The following JAKMIP2 variants were observed in gnomAD, a reference collection of about 807,000 sequenced individuals.
The protein encoded by JAKMIP2 is janus kinase and microtubule-interacting protein 2.
A neutral mutation model predicts 115.0 loss-of-function variants in JAKMIP2; 25 were observed. The observed-to-expected ratio is 0.22, with a 90% CI of 0.16 to 0.30. The LOEUF (loss-of-function observed/expected upper bound fraction) is 0.30. Among genes scored for constraint, JAKMIP2 ranks in the 10% least tolerant of loss-of-function variants. The pLI is 1.00. For missense variants in JAKMIP2, 642 were observed against 957.6 expected (o/e 0.67, Z 4.35); for synonymous variants, 334 against 343.6 (o/e 0.97, Z 0.31).
chr5:147,674,517 G>A (rs867684840), intron 1 of JAKMIP2, among the ~76,000 whole-genome samples: 4 of 152,322 alleles, frequency 2.6e-5, no homozygotes, highest in Middle Eastern at 6.8e-3. Context: ...GAAGAAGAGA[G>A]ACGAGGTGAG....
intron 1 of JAKMIP2, among the ~76,000 whole-genome samples, chr5:147,681,122 A>G (rs1561535137): frequency 6.6e-6 from 1 of 152,190 alleles, no homozygotes; most frequent in Non-Finnish European, 1.5e-5. Context: ...AAAAGTTATT[A>G]CTCATGATAA....
intron 1 of JAKMIP2, among the ~76,000 whole-genome samples, chr5:147,713,750 A>C (rs1752867007): frequency 6.6e-6 from 1 of 152,184 alleles, no homozygotes; most frequent in Non-Finnish European, 1.5e-5. Context: ...AATGGCTAAG[A>C]GGCTGAACGG....
At chr5:147,624,785 G>A (rs1024569418) in intron 16 of JAKMIP2, among the ~76,000 whole-genome samples, 8 of 152,038 alleles carry the variant, frequency 5.3e-5, no homozygotes, top group African/African-American at 9.7e-5. Flanking sequence ...TACCTTGGCC[G>A]TAATTTCAAT....
chr5:147,692,285 G>T (rs1751895964), intron 1 of JAKMIP2, among the ~76,000 whole-genome samples: 1 of 152,206 alleles, frequency 6.6e-6, no homozygotes, highest in Non-Finnish European at 1.5e-5. Flanking sequence ...GAAGCTAGAA[G>T]AGAGGACGGA....
chr5:147,782,600 A>G lies in JAKMIP2; in HGVS notation c.-293T>C. On this transcript the variant is annotated 5_prime_UTR_variant, in exon 1 of 22. Coordinates refer to ENST00000616793, the MANE Select transcript of JAKMIP2 (RefSeq NM_001270941.2). ...TTTTTCCCTCTGTCTCTGGTTGGCGATGGTGCGAATAGGAACCACCCTTCC... is the reference window on the plus strand; with the variant it reads ...TTTTTCCCTCTGTCTCTGGTTGGCGGTGGTGCGAATAGGAACCACCCTTCC... The G allele has an allele frequency of 1.2e-6, 1 of 824,150 alleles. No individual in the cohort carries two copies. The highest frequency in any genetic ancestry group is 2.7e-5 in the East Asian group (1 of 37,500). The allele number at this position is 824,150 out of a possible 1,614,324, so 51.1% of individuals were successfully genotyped here. A position where few individuals can be genotyped will look rare whatever the true frequency, so the allele number is the denominator to read the frequency against.
intron 3 of JAKMIP2, among the ~76,000 whole-genome samples, chr5:147,654,263 A>G (rs1758556601): frequency 6.6e-6 from 1 of 151,286 alleles, no homozygotes. Flanking sequence ...TGTCAATGGT[A>G]GTTTGATGGG....
intron 3 of JAKMIP2, 40 bp from the exon 4 acceptor site, chr5:147,650,587 C>T: frequency 6.8e-7 from 1 of 1,460,688 alleles, no homozygotes; most frequent in Non-Finnish European, 9.6e-7. Flanking sequence ...TTTAACAATG[C>T]TGTAAAGAAA....
chr5:147,729,659 A>C (rs1013624225), intron 1 of JAKMIP2, among the ~76,000 whole-genome samples: 4 of 151,884 alleles, frequency 2.6e-5, no homozygotes, highest in African/African-American at 9.7e-5. Context: ...CTGTAGTCCC[A>C]GCTACTCGGG....
chr5:147,640,914 G>A (rs1448995332), intron 8 of JAKMIP2, 91 bp from the exon 9 acceptor site: 21 of 1,090,192 alleles, frequency 1.9e-5, no homozygotes, highest in Non-Finnish European at 2.8e-5. Flanking sequence ...ACGTGTAAGT[G>A]AATATAGAAG....
In JAKMIP2 at chr5:147,587,008, A is replaced by T. The variant is rs1398707280; in HGVS notation, c.*4699T>A. The T allele has an allele frequency of 6.6e-6, 1 of 152,138 alleles. No homozygotes were observed. The highest frequency in any genetic ancestry group is 1.5e-5 in the Non-Finnish European group (1 of 68,028). 9.4% of individuals were successfully genotyped at this position (152,138 alleles called of 1,614,324 possible). On this transcript the variant is annotated 3_prime_UTR_variant, in exon 22 of 22. Transcript: ENST00000616793. ...ATGGAATAATAGAATTTGGCACTTG[A>T]AGAGGCCTTACAGGGATTAGCTCCA...
chr5:147,653,457 A>C (rs1758512022), intron 3 of JAKMIP2, among the ~76,000 whole-genome samples: 1 of 152,102 alleles, frequency 6.6e-6, no homozygotes, highest in African/African-American at 2.4e-5. Context: ...TTCTCAAATA[A>C]TCAGAGATGA....
chr5:147,685,465 T>A (rs907227248), intron 1 of JAKMIP2, among the ~76,000 whole-genome samples: 1 of 152,136 alleles, frequency 6.6e-6, no homozygotes. Context: ...AGAAGAAATA[T>A]AGATTGTGCA....
At chr5:147,611,798 C>A (rs1756341642) in intron 20 of JAKMIP2, among the ~76,000 whole-genome samples, 1 of 152,204 alleles carries the variant, frequency 6.6e-6, no homozygotes, top group Non-Finnish European at 1.5e-5. Context: ...CTCAAAAACA[C>A]TGGCTGACTT....
At chr5:147,614,199 A>T (rs1649065534) in intron 19 of JAKMIP2, among the ~76,000 whole-genome samples, 1 of 152,198 alleles carries the variant, frequency 6.6e-6, no homozygotes, top group Non-Finnish European at 1.5e-5. Context: ...GACAATACAG[A>T]TAAGGCACCA....
intron 1 of JAKMIP2, among the ~76,000 whole-genome samples, chr5:147,698,115 G>A (rs1333419912): frequency 4.6e-5 from 7 of 152,174 alleles, no homozygotes; most frequent in Non-Finnish European, 8.8e-5. Flanking sequence ...GCATTAGTGT[G>A]ACCTGAATGT....
chr5:147,702,680 GAAAGAAAGA>G (rs1204242458), intron 1 of JAKMIP2, among the ~76,000 whole-genome samples: 1 of 135,492 alleles, frequency 7.4e-6, no homozygotes, highest in African/African-American at 2.9e-5. Context: ...GAAAGAAAGA[GAAAGAAAGA>G]AAAGAAAAGA....
intron 1 of JAKMIP2, among the ~76,000 whole-genome samples, chr5:147,754,727 A>G (rs1384956538): frequency 6.6e-6 from 1 of 152,168 alleles, no homozygotes; most frequent in African/African-American, 2.4e-5. Context: ...TCATATTAAG[A>G]AAGTGAGGCC....
rs1756667014 is a variant in JAKMIP2 at position 147,617,923 on chromosome 5, C to T, written c.2334G>A (p.Gln778=). The part of the protein sequence containing the change: ...QILQERMELL[Q]QAHQRIRDLE... ...ACTCAGTCCTCACCTGATGGGCTTGCTGTAAGAGCTCCATTCTCTCCTGAA... is the reference window on the plus strand; with the variant it reads ...ACTCAGTCCTCACCTGATGGGCTTGTTGTAAGAGCTCCATTCTCTCCTGAA... Residue 778 remains glutamine, a synonymous_variant, in exon 19 of 22, where the codon CAG becomes CAA. Transcript: ENST00000616793. 1 of 1,614,104 alleles carries T rather than the reference C, an allele frequency of 6.2e-7. No individual in the cohort carries two copies. Among genetic ancestry groups the T allele is most frequent in the South Asian group, 1.1e-5 (1 of 91,082 alleles).
chr5:147,702,620 GAAAGA>G (rs1752397871), intron 1 of JAKMIP2, among the ~76,000 whole-genome samples: 1 of 94,808 alleles, frequency 1.1e-5, no homozygotes, highest in Non-Finnish European at 2.1e-5. Flanking sequence ...AAGAAAGAAA[GAAAGA>G]AAGAAAGAAA....
Sources: gnomAD v4.1 joint callset for allele counts (sites outside exome capture counted in the v4.1 genomes callset) on GRCh38, gnomAD v4.1.1 for gene constraint, MANE v1.5 for transcripts, NCBI Gene and HGNC (gene_info 2026-07-23, HGNC 2026-07-21) for gene names.